YY1AP1: variants seen among roughly 807,000 people sequenced by gnomAD.
YY1AP1 encodes the protein YY1 associated protein 1.
YY1AP1 carries 43 observed loss-of-function variants against 39.9 expected under a neutral mutation model. The ratio of observed to expected loss-of-function variants is 1.08; its 90% confidence interval spans 0.84 to 1.39. The LOEUF (loss-of-function observed/expected upper bound fraction) is 1.39. Among genes scored for constraint, YY1AP1 ranks in the 40% most tolerant of loss-of-function variants. The probability of loss-of-function intolerance (pLI) is 0.00; values close to 1 mark genes in which losing one functional copy is unlikely to be tolerated. For missense variants in YY1AP1, 813 were observed against 900.7 expected (o/e 0.90, Z 1.25); for synonymous variants, 292 against 331.3 (o/e 0.88, Z 1.29).
At chr1:155,676,071 A>G (rs576166717) in intron 5 of YY1AP1, among the ~76,000 whole-genome samples, 2 of 152,068 alleles carry the variant, frequency 1.3e-5, no homozygotes, top group South Asian at 4.1e-4. Context: ...AAATACAAAA[A>G]ATTAGCTGGG....
In YY1AP1 at chr1:155,660,658, G is replaced by T; in HGVS notation, c.1252C>A (p.Gln418Lys). 6.2e-7 allele frequency: 1 copy of T among 1,614,154 alleles called. No homozygotes were observed. The highest frequency in any genetic ancestry group is 8.5e-7 in the Non-Finnish European group (1 of 1,180,018). ...CTGGGCTGGAGAGAGGGGCTGGGTT[G>T]GATAAGGAGGGGTTTCAGGACTGAT... is the stretch of plus-strand genomic sequence containing the variant. ...RSSVLKPLLI[Q>K]PSPSLQPSFN... Residue 418 changes from glutamine to lysine, a missense_variant, in exon 11 of 11, where the codon CAA becomes AAA. Physicochemically the swap from Gln to Lys is moderately conservative, Grantham distance 53. Coordinates refer to ENST00000355499, the MANE Select transcript of YY1AP1 (RefSeq NM_139119.3).
At chr1:155,686,569 C>T (rs1432801420) in intron 2 of YY1AP1, among the ~76,000 whole-genome samples, 1 of 135,084 alleles carries the variant, frequency 7.4e-6, no homozygotes, top group African/African-American at 4.0e-5. Context: ...CACCTCAAGG[C>T]ATGGACCATT....
In YY1AP1 at chr1:155,680,418, T is replaced by C. The variant is rs1558314848; in HGVS notation, c.19A>G (p.Thr7Ala). Residue 7 changes from threonine to alanine, a missense_variant and splice_region_variant, in exon 3 of 11, where the codon ACT becomes GCT. By Grantham distance (58) the Thr-to-Ala change is moderately conservative. Transcript: ENST00000355499. ...CTCACTTGAGGATCATTACTCACAGTTTCAAACAGATCTTCCATCAGCTCA... is the reference window on the plus strand; with the variant it reads ...CTCACTTGAGGATCATTACTCACAGCTTCAAACAGATCTTCCATCAGCTCA... Reference protein sequence around the residue: MEDLFETFQDEMGFSNM... With the variant: MEDLFEAFQDEMGFSNM... 2 of 1,613,492 alleles carry C rather than the reference T, an allele frequency of 1.2e-6. No individual in the cohort carries two copies. Among genetic ancestry groups the C allele is most frequent in the East Asian group, 2.2e-5 (1 of 44,836 alleles).
At position 155,676,562 on chromosome 1, in the gene YY1AP1, G is replaced by A. The variant is rs749232831; in HGVS notation, c.310C>T (p.Gln104Ter). Reference protein sequence around the residue: ...LDPAQRKRLQQQMQQHVQLLT... With the variant: ...LDPAQRKRLQ ...GAAAGTGTTACCTGCTGCATCTGCT[G>A]CTGGAGTCTCTTCCTTTGTGCTGGG... is the stretch of plus-strand genomic sequence containing the variant. Residue 104 changes from glutamine (Q) to a stop codon, truncating the protein, a stop_gained, in exon 5 of 11, where the codon CAG becomes TAG. Coordinates refer to ENST00000355499, the MANE Select transcript of YY1AP1 (RefSeq NM_139119.3). LOFTEE classifies it high-confidence loss of function. The A allele has an allele frequency of 4.3e-6, 7 of 1,614,178 alleles. No homozygotes were observed. Among genetic ancestry groups the A allele is most frequent in the Non-Finnish European group, 5.9e-6 (7 of 1,180,024 alleles).
intron 4 of YY1AP1, chr1:155,679,184 T>C (rs1252115981): frequency 6.7e-7 from 1 of 1,488,980 alleles, no homozygotes; most frequent in African/African-American, 1.4e-5. Flanking sequence ...GGATGCCAGC[T>C]ACTGTTTTTT....
chr1:155,686,111 T>A (rs1377464676), intron 2 of YY1AP1, among the ~76,000 whole-genome samples: 1 of 140,026 alleles, frequency 7.1e-6, no homozygotes, highest in East Asian at 2.3e-4. Flanking sequence ...CTCAGCTCAC[T>A]GCAAGCTCTG....
chr1:155,669,479 G>T (rs914649425), intron 8 of YY1AP1, among the ~76,000 whole-genome samples: 1 of 152,152 alleles, frequency 6.6e-6, no homozygotes, highest in Non-Finnish European at 1.5e-5. Context: ...AGGAGCAAGA[G>T]AAACTAGTCA....
At chr1:155,680,583 C>A in intron 2 of YY1AP1, 127 bp from the exon 3 acceptor site, 1 of 776,888 alleles carries the variant, frequency 1.3e-6, no homozygotes, top group East Asian at 2.9e-5. Flanking sequence ...ATCCTTATTC[C>A]TGAGACAGGG....
intron 9 of YY1AP1, among the ~76,000 whole-genome samples, chr1:155,667,471 C>T (rs1027627071): frequency 6.6e-5 from 10 of 150,420 alleles, no homozygotes; most frequent in Non-Finnish European, 1.5e-5. Context: ...GCACTCCAGC[C>T]AGGATGACAG....
At chr1:155,664,708 T>C (rs1485363788) in intron 9 of YY1AP1, among the ~76,000 whole-genome samples, 2 of 140,976 alleles carry the variant, frequency 1.4e-5, no homozygotes, top group African/African-American at 5.2e-5. Flanking sequence ...AGAAAAAAAA[T>C]AAAACAAAAA....
At chr1:155,687,091 A>G (rs1652532808) in intron 2 of YY1AP1, among the ~76,000 whole-genome samples, 1 of 152,238 alleles carries the variant, frequency 6.6e-6, no homozygotes, top group South Asian at 2.1e-4. Flanking sequence ...ACAGAGATTC[A>G]GTATCACAAA....
chr1:155,674,030 G>A (rs1426058737), intron 6 of YY1AP1, among the ~76,000 whole-genome samples: 7 of 151,642 alleles, frequency 4.6e-5, no homozygotes, highest in South Asian at 2.1e-4. Context: ...GCATAGTGGC[G>A]GGTGCCTGTA....
intron 6 of YY1AP1, among the ~76,000 whole-genome samples, chr1:155,674,160 C>CAAAAAAAA (rs59337809): frequency 2.7e-5 from 2 of 73,648 alleles, no homozygotes; most frequent in African/African-American, 6.0e-5. Flanking sequence ...GACTCCGTCT[C>CAAAAAAAA]AAAAAAAAAA....
rs766455879 is a variant in YY1AP1 at position 155,672,599 on chromosome 1, T to C, written c.544A>G (p.Ser182Gly). The C allele has an allele frequency of 3.1e-6, 5 of 1,613,404 alleles. No individual in the cohort carries two copies. Among genetic ancestry groups the C allele is most frequent in the East Asian group, 2.2e-5 (1 of 44,894 alleles). Residue 182 changes from serine (S) to glycine (G), a missense_variant, in exon 7 of 11, where the codon AGC (serine) becomes GGC (glycine). Coordinates refer to ENST00000355499, the MANE Select transcript of YY1AP1 (RefSeq NM_139119.3). ...QLIEDFSTHVSIDCSPHKTVK... is the reference protein window; with the variant it reads ...QLIEDFSTHVGIDCSPHKTVK... ...GTTTTATGAGGGCTGCAGTCAATGCTGACATGTGTGCTGAAGTCTTCAATC... is the reference window on the plus strand; with the variant it reads ...GTTTTATGAGGGCTGCAGTCAATGCCGACATGTGTGCTGAAGTCTTCAATC...
chr1:155,671,435 A>G (rs1327567484), intron 7 of YY1AP1, among the ~76,000 whole-genome samples: 1 of 152,036 alleles, frequency 6.6e-6, no homozygotes, highest in Admixed American at 6.5e-5. Flanking sequence ...CATCTTAAAA[A>G]AAAAAAAAAG....
Position 155,660,155 on chromosome 1 carries a change from G to C in YY1AP1, c.1755C>G (p.Pro585=). 1.9e-6 allele frequency: 3 copies of C among 1,614,164 alleles called. No individual in the cohort carries two copies. Among genetic ancestry groups the C allele is most frequent in the Non-Finnish European group, 1.7e-6 (2 of 1,180,028 alleles). Residue 585 remains proline, a synonymous_variant, in exon 11 of 11, where the codon CCC becomes CCG. Transcript: ENST00000355499. ...AGAGGGTGGCGATGGGAATAGTCTGGGGACTCTGGGCCACAGCCGCATTGA... is the reference window on the plus strand; with the variant it reads ...AGAGGGTGGCGATGGGAATAGTCTGCGGACTCTGGGCCACAGCCGCATTGA... ...QPVNAAVAQS[P]QTIPIATLLV... is the part of the protein sequence containing the mutation.
At chr1:155,661,063 A>C (rs1648025804) in intron 10 of YY1AP1, 150 bp from the exon 11 acceptor site, 1 of 1,487,530 alleles carries the variant, frequency 6.7e-7, no homozygotes, top group Non-Finnish European at 9.1e-7. Flanking sequence ...CAGTCCAATT[A>C]TACACTTTAG....
Position 155,660,639 on chromosome 1 carries a change from T to C in YY1AP1, c.1271A>G (p.Gln424Arg). 1 of 1,614,182 alleles carries C rather than the reference T, an allele frequency of 6.2e-7. No individual in the cohort carries two copies. The highest frequency in any genetic ancestry group is 8.5e-7 in the Non-Finnish European group (1 of 1,180,034). The change falls in exon 11 of 11, where the codon CAG becomes CGG. Residue 424 changes from glutamine (Q) to arginine (R), a missense_variant. This residue lies in a region of YY1AP1 where 586 missense variants were observed against 647.4 expected (regional missense o/e 0.91). Coordinates refer to ENST00000355499, the MANE Select transcript of YY1AP1 (RefSeq NM_139119.3). Reference sequence around the variant, plus strand: ...TGTTTTCCCAGGGTTGAAGCTGGGCTGGAGAGAGGGGCTGGGTTGGATAAG... The same window carrying C: ...TGTTTTCCCAGGGTTGAAGCTGGGCCGGAGAGAGGGGCTGGGTTGGATAAG... ...PLLIQPSPSL[Q>R]PSFNPGKTPA...
chr1:155,688,395 C>A lies in YY1AP1; in HGVS notation c.-151-194G>T. ...AGGGAGCTAAGGGCGCCTAGCGACA[C>A]CCCCAACCTCCCACTCCTCCCTCCT... On this transcript the variant is annotated intron_variant, in intron 1 of 10. Transcript: ENST00000355499. 1.9e-6 allele frequency: 3 copies of A among 1,543,320 alleles called. No homozygotes were observed. The South Asian group carries it at 3.6e-5, about 18-fold the overall frequency.
Sources: gnomAD v4.1 joint callset for allele counts (sites outside exome capture counted in the v4.1 genomes callset) on GRCh38, gnomAD v4.1.1 for gene constraint, gnomAD v4.1.1 regional missense constraint, MANE v1.5 for transcripts, NCBI Gene and HGNC (gene_info 2026-07-23, HGNC 2026-07-21) for gene names.